The following PCDHGB1 variants were observed in gnomAD, a reference collection of about 807,000 sequenced individuals.
PCDHGB1 encodes the protein protocadherin gamma-B1.
In PCDHGB1, 34 loss-of-function variants were observed where a neutral mutation model predicts 56.6. The ratio of observed to expected loss-of-function variants is 0.60; its 90% CI spans 0.46 to 0.80. The LOEUF (loss-of-function observed/expected upper bound fraction) is 0.80, where lower values mean the gene tolerates loss of function less well. Among genes scored for constraint, PCDHGB1 ranks in the 30% least tolerant of loss-of-function variants. PCDHGB1 has a pLI of 0.00. For missense variants in PCDHGB1, 1,278 were observed against 1,204.6 expected (o/e 1.06, Z -0.90); for synonymous variants, 561 against 505.9 (o/e 1.11, Z -1.46).
rs140184617 is a variant in PCDHGB1, at chr5:141,405,523, G to A, written c.2409+52854G>A. ...CAACCTCCGCCTCCCAAATTCAAGC[G>A]ATTCTCCTGCCTCAGCCTCCCAAGT... is the stretch of plus-strand genomic sequence containing the variant. On this transcript the variant is annotated intron_variant, in intron 1 of 3. Transcript: ENST00000523390. 5.4e-4 allele frequency: 366 copies of A among 679,318 alleles called. 4 individuals carry two copies. In the East Asian group the frequency reaches 9.7e-3, roughly 18 times the overall value. The allele number at this position is 679,318 out of a possible 1,614,324, so 42.1% of individuals were successfully genotyped here.
chr5:141,410,045 G>C (rs962300160), intron 1 of PCDHGB1: 1 of 1,613,166 alleles, frequency 6.2e-7, no homozygotes. Context: ...CAGTGAGCCC[G>C]GACTCTTCAG....
intron 2 of PCDHGB1, among the ~76,000 whole-genome samples, chr5:141,495,607 A>G (rs1484333463): frequency 1.3e-5 from 2 of 151,832 alleles, no homozygotes; most frequent in Admixed American, 1.3e-4. Flanking sequence ...TTCCGTCTTG[A>G]TTGCTGCACC....
chr5:141,450,645 C>T (rs2098688869), intron 1 of PCDHGB1, among the ~76,000 whole-genome samples: 2 of 151,618 alleles, frequency 1.3e-5, no homozygotes, highest in Non-Finnish European at 2.9e-5. Context: ...TGCCACCATG[C>T]CTGGCTAATT....
In PCDHGB1 at chr5:141,493,930, A is replaced by G. The variant is rs547125826; in HGVS notation, c.2410-877A>G. Among the ~76,000 whole-genome samples the G allele has an allele frequency of 6.6e-6, 1 of 152,268 alleles. No homozygotes were observed. The highest frequency in any genetic ancestry group is 6.5e-5 in the Admixed American group (1 of 15,300). ...TGTGATGGGATAACACACCCCCTGG[A>G]AAGACCAGAAGGGACTCAGGAATGA... On this transcript the variant is annotated intron_variant, in intron 1 of 3. Transcript: ENST00000523390. This position sits in a 1 kb window ranked among gnomAD's most constrained non-coding sequence, Gnocchi z 4.3.
In PCDHGB1 at chr5:141,351,684, C is replaced by T. The variant is rs939154517; in HGVS notation, c.1424C>T (p.Pro475Leu). 2.3e-5 allele frequency: 37 copies of T among 1,613,986 alleles called. No homozygotes were observed. Among genetic ancestry groups the T allele is most frequent in the Non-Finnish European group, 3.1e-5 (36 of 1,179,910 alleles). ...ATTGCACAAGTAAGCGCCTCCGACC[C>T]GGATTTGGGACCCAACGGCAGAGTC... ...ASIAQVSASD[P>L]DLGPNGRVSY... The change falls in exon 1 of 4, where the codon CCG becomes CTG. Residue 475 changes from proline (P) to leucine (L), a missense_variant. By Grantham distance (98) the Pro-to-Leu change is moderately conservative (BLOSUM62 -3). Transcript: ENST00000523390.
chr5:141,447,328 C>T (rs546209008), intron 1 of PCDHGB1, among the ~76,000 whole-genome samples: 39 of 151,886 alleles, frequency 2.6e-4, no homozygotes, highest in Admixed American at 7.2e-4. Flanking sequence ...TTAGTAGAGA[C>T]GGGTTTCATC....
At chr5:141,419,974 C>T (rs368697962) in intron 1 of PCDHGB1, 3 of 1,613,962 alleles carry the variant, frequency 1.9e-6, no homozygotes, top group Non-Finnish European at 2.5e-6. Context: ...TCTTTCTCCT[C>T]GCGGTGATTC....
chr5:141,400,314 C>G (rs764415393), intron 1 of PCDHGB1: 1 of 1,614,078 alleles, frequency 6.2e-7, no homozygotes, highest in Non-Finnish European at 8.5e-7. Flanking sequence ...GTCTCTGTGT[C>G]AAGTCTGGAC....
At chr5:141,422,929 C>A (rs752323344) in intron 1 of PCDHGB1, 8 of 1,614,260 alleles carry the variant, frequency 5.0e-6, no homozygotes, top group Middle Eastern at 3.3e-4. Flanking sequence ...GTACCCTGCC[C>A]TCCCCACAGA....
In PCDHGB1 at chr5:141,350,929, C is replaced by T. The variant is rs1758594998; in HGVS notation, c.669C>T (p.Thr223=). 6.2e-7 allele frequency: 1 copy of T among 1,614,092 alleles called. No homozygotes were observed. Among genetic ancestry groups the T allele is most frequent in the Non-Finnish European group, 8.5e-7 (1 of 1,179,914 alleles). ...DGGDPPLSGT[T]HIWIRVTDAN... ...GGGACCCGCCTCTAAGCGGCACCAC[C>T]CATATCTGGATCCGAGTTACGGATG... The change falls in exon 1 of 4, where the codon ACC becomes ACT. Residue 223 remains threonine (T), a synonymous_variant. Transcript: ENST00000523390.
Position 141,485,932 on chromosome 5 carries a change from G to A in PCDHGB1, c.2410-8875G>A. ...CCAGCTACAGGATTAGTGTGTTGGA[G>A]AGCGCACCAGCGGGCATGGTGCTCA... On this transcript the variant is annotated intron_variant, in intron 1 of 3. Transcript: ENST00000523390. The surrounding 1 kb of genome is among the most constrained non-coding windows in gnomAD (Gnocchi z 5.7). The A allele has an allele frequency of 6.2e-7, 1 of 1,614,184 alleles. No homozygotes were observed. The highest frequency in any genetic ancestry group is 8.5e-7 in the Non-Finnish European group (1 of 1,180,042).
chr5:141,450,831 T>TATTA (rs761717068), intron 1 of PCDHGB1, among the ~76,000 whole-genome samples: 2 of 144,580 alleles, frequency 1.4e-5, no homozygotes, highest in South Asian at 2.2e-4. Flanking sequence ...TTATTATTAT[T>TATTA]TTTTTTTTTT....
intron 1 of PCDHGB1, among the ~76,000 whole-genome samples, chr5:141,459,613 C>T (rs1040874685): frequency 2.6e-5 from 4 of 152,188 alleles, no homozygotes; most frequent in African/African-American, 9.7e-5. Context: ...ATATGCTTAA[C>T]TTTATAAGAA....
At chr5:141,433,318 G>A (rs1659490277) in intron 1 of PCDHGB1, 2 of 788,746 alleles carry the variant, frequency 2.5e-6, no homozygotes, top group Non-Finnish European at 4.0e-6. Context: ...CTTTGCCTCC[G>A]GTGTAACAGG....
rs187713374 is a variant in PCDHGB1, at chr5:141,430,744, C to G, written c.2410-64063C>G. 2.5e-4 allele frequency: 380 copies of G among 1,498,404 alleles called. 1 individual carries two copies. In the African/African-American group the frequency reaches 4.6e-3, roughly 18 times the overall value. The allele number at this position is 1,498,404 out of a possible 1,614,324, so 92.8% of individuals were successfully genotyped here. A position where few individuals can be genotyped will look rare whatever the true frequency, so the allele number is the denominator to read the frequency against. ...GTTAAGGGCAGAATTGAAAATAATTCTGGAGGAAGATAAGAATGATTCCTG... is the reference window on the plus strand; with the variant it reads ...GTTAAGGGCAGAATTGAAAATAATTGTGGAGGAAGATAAGAATGATTCCTG... On this transcript the variant is annotated intron_variant, in intron 1 of 3. Coordinates refer to ENST00000523390, the MANE Select transcript of PCDHGB1 (RefSeq NM_018922.3).
intron 1 of PCDHGB1, chr5:141,367,192 T>G (rs1764986193): frequency 6.3e-6 from 1 of 158,980 alleles, no homozygotes; most frequent in African/African-American, 2.4e-5. Flanking sequence ...GGAAATAATT[T>G]ACAGTATTTA....
At chr5:141,393,322 A>C (rs780040037) in intron 1 of PCDHGB1, 21 of 1,611,334 alleles carry the variant, frequency 1.3e-5, no homozygotes, top group Middle Eastern at 1.6e-4. Context: ...CTCCAGAGCT[A>C]CCAGCTCAGC....
intron 1 of PCDHGB1, among the ~76,000 whole-genome samples, chr5:141,433,497 C>G (rs2097615154): frequency 6.6e-6 from 1 of 152,076 alleles, no homozygotes; most frequent in Non-Finnish European, 1.5e-5. Flanking sequence ...CCCTCCCAAA[C>G]TGCTGGGATT....
intron 1 of PCDHGB1, chr5:141,379,491 C>T (rs1173749207): frequency 6.6e-6 from 1 of 152,150 alleles, no homozygotes; most frequent in Non-Finnish European, 1.5e-5. Context: ...ACTATACTAC[C>T]AATTTGGGAT....
Sources: gnomAD v4.1 joint callset for allele counts (sites outside exome capture counted in the v4.1 genomes callset) on GRCh38, gnomAD v4.1.1 for gene constraint, Gnocchi (gnomAD v3.1) non-coding constraint, MANE v1.5 for transcripts, NCBI Gene and HGNC (gene_info 2026-07-23, HGNC 2026-07-21) for gene names.